CFAP47: variants seen among roughly 807,000 people sequenced by gnomAD.
CFAP47 encodes the protein cilia- and flagella-associated protein 47.
In CFAP47, 29 loss-of-function variants were observed where a neutral mutation model predicts 148.1. That is an observed-to-expected ratio of 0.20 (90% CI 0.15 to 0.27). The LOEUF (loss-of-function observed/expected upper bound fraction) is 0.27. CFAP47 is among the 10% of genes least tolerant of loss of function. The pLI, the probability that CFAP47 is intolerant of heterozygous loss-of-function variation, is 1.00. For synonymous variants in CFAP47, 664 were observed against 577.3 expected (o/e 1.15, Z -2.15); for missense variants, 1,872 against 1,697.5 (o/e 1.10, Z -1.81).
At chrX:36,173,407 G>T (rs1417609472) in intron 39 of CFAP47, among the ~76,000 whole-genome samples, 1 of 111,589 alleles carries the variant, frequency 9.0e-6, no homozygotes, top group Admixed American at 9.5e-5. Flanking sequence ...ATCAATTTTA[G>T]ATCTTTCCTG....
intron 33 of CFAP47, among the ~76,000 whole-genome samples, chrX:36,127,246 A>C (rs1169784918): frequency 8.9e-6 from 1 of 112,038 alleles, no homozygotes; most frequent in Non-Finnish European, 1.9e-5. Flanking sequence ...TTAAGTCTTT[A>C]ATCCAACTTC....
chrX:35,922,773 C>T (rs910366813), intron 1 of CFAP47, among the ~76,000 whole-genome samples: 3 of 112,464 alleles, frequency 2.7e-5, no homozygotes, highest in African/African-American at 6.4e-5. Context: ...GACTCAGCCT[C>T]ACATTAGAAT....
chrX:36,241,517 T>A (rs1481829969), intron 48 of CFAP47, among the ~76,000 whole-genome samples: 1 of 112,059 alleles, frequency 8.9e-6, no homozygotes, highest in Admixed American at 9.4e-5. Context: ...GCCTACACTC[T>A]CCAGGCTGAG....
chrX:36,034,287 C>T (rs1327966555), intron 23 of CFAP47, among the ~76,000 whole-genome samples: 3 of 110,690 alleles, frequency 2.7e-5, no homozygotes, highest in African/African-American at 9.8e-5. Context: ...AGAATGTTAC[C>T]GAGGTGAAAT....
chrX:36,325,526 ACT>A (rs1645912315), intron 57 of CFAP47, among the ~76,000 whole-genome samples: 1 of 111,590 alleles, frequency 9.0e-6, no homozygotes, highest in Non-Finnish European at 1.9e-5. Flanking sequence ...TGGGAAGAAG[ACT>A]CTGAAAGGAG....
intron 33 of CFAP47, among the ~76,000 whole-genome samples, chrX:36,115,659 A>G (rs1207515411): frequency 3.6e-5 from 4 of 111,736 alleles, no homozygotes; most frequent in Non-Finnish European, 7.5e-5. Context: ...GGAGGGAGGA[A>G]CAGGATACAG....
At chrX:36,275,293 T>C (rs782419827) in intron 49 of CFAP47, among the ~76,000 whole-genome samples, 1 of 109,553 alleles carries the variant, frequency 9.1e-6, no homozygotes, top group South Asian at 4.0e-4. Context: ...AGGCTGGTCT[T>C]GAACTCCTGG....
chrX:36,321,700 A>G (rs1367680312), intron 57 of CFAP47, among the ~76,000 whole-genome samples: 1 of 111,821 alleles, frequency 8.9e-6, no homozygotes, highest in Non-Finnish European at 1.9e-5. Context: ...AGATATATTC[A>G]AAGTATGGTT....
intron 37 of CFAP47, among the ~76,000 whole-genome samples, chrX:36,155,586 C>T (rs1175167571): frequency 9.0e-6 from 1 of 111,196 alleles, no homozygotes; most frequent in Non-Finnish European, 1.9e-5. Context: ...AATGATGAAT[C>T]TGGGTTTCAG....
intron 57 of CFAP47, among the ~76,000 whole-genome samples, chrX:36,322,038 T>C (rs1204690380): frequency 9.0e-6 from 1 of 111,282 alleles, no homozygotes; most frequent in Non-Finnish European, 1.9e-5. Context: ...TTGTGCTTTT[T>C]TGCTGTGTAA....
chrX:36,227,272 C>G (rs1339701036), intron 45 of CFAP47, among the ~76,000 whole-genome samples: 3 of 111,585 alleles, frequency 2.7e-5, no homozygotes, highest in Non-Finnish European at 5.7e-5. Flanking sequence ...TCTCCTCAGA[C>G]CAGCTGAAGT....
chrX:35,992,267 T>A (rs773322031), intron 17 of CFAP47, among the ~76,000 whole-genome samples: 20 of 111,203 alleles, frequency 1.8e-4, no homozygotes, highest in Non-Finnish European at 3.2e-4. Flanking sequence ...TTCCTTTTCA[T>A]TTCAGTCTGT....
At chrX:36,119,869 T>A (rs1938709412) in intron 33 of CFAP47, among the ~76,000 whole-genome samples, 1 of 111,931 alleles carries the variant, frequency 8.9e-6, no homozygotes, top group South Asian at 3.7e-4. Flanking sequence ...TGTCTTCTAA[T>A]GATCTTTTGA....
chrX:36,381,733 ATAAATCT>A (rs1271858762), intron 63 of CFAP47, among the ~76,000 whole-genome samples: 15 of 110,970 alleles, frequency 1.4e-4, no homozygotes, highest in Non-Finnish European at 2.5e-4. Context: ...GGTGGATATG[ATAAATCT>A]TAGTTTATGA....
intron 46 of CFAP47, among the ~76,000 whole-genome samples, chrX:36,232,288 A>G (rs1483932020): frequency 8.9e-6 from 1 of 111,863 alleles, no homozygotes; most frequent in Non-Finnish European, 1.9e-5. Context: ...CCACAATTTC[A>G]GAGCCTGTTA....
chrX:36,272,985 G>GA (rs1213325109), intron 49 of CFAP47, among the ~76,000 whole-genome samples: 1 of 110,791 alleles, frequency 9.0e-6, no homozygotes, highest in African/African-American at 3.3e-5. Context: ...CTAACTGTGT[G>GA]ATCTAGGCAA....
chrX:36,283,633 A>T (rs1317743814), intron 50 of CFAP47, among the ~76,000 whole-genome samples: 2 of 112,103 alleles, frequency 1.8e-5, no homozygotes, highest in African/African-American at 6.5e-5. Flanking sequence ...TGAAAACCTT[A>T]GTAAAATAAA....
At chrX:36,368,467 G>A (rs1378834730) in intron 62 of CFAP47, among the ~76,000 whole-genome samples, 1 of 110,558 alleles carries the variant, frequency 9.0e-6, no homozygotes, top group Non-Finnish European at 1.9e-5. Context: ...GTAGTTTTGG[G>A]GATCAGAATG....
intron 60 of CFAP47, among the ~76,000 whole-genome samples, chrX:36,355,733 G>A (rs1941780522): frequency 1.8e-5 from 2 of 111,356 alleles, no homozygotes; most frequent in African/African-American, 6.5e-5. Flanking sequence ...GTTGAACATT[G>A]GGTATAAAGT....
Sources: gnomAD v4.1 joint callset for allele counts (sites outside exome capture counted in the v4.1 genomes callset) on GRCh38, gnomAD v4.1.1 for gene constraint, MANE v1.5 for transcripts, NCBI Gene and HGNC (gene_info 2026-07-23, HGNC 2026-07-21) for gene names.